Variants in GRM7 observed in about 807,000 individuals in gnomAD.
The protein encoded by GRM7 is glutamate metabotropic receptor 7.
GRM7 carries 35 observed loss-of-function variants against 84.5 expected under a neutral mutation model. The observed-to-expected ratio is 0.41, with a 90% confidence interval of 0.32 to 0.55. The LOEUF (loss-of-function observed/expected upper bound fraction) is 0.55. Among genes scored for constraint, GRM7 ranks in the 20% least tolerant of loss-of-function variants. The pLI is 0.19. For synonymous variants in GRM7, 487 were observed against 455.1 expected (o/e 1.07, Z -0.89); for missense variants, 1,003 against 1,194.6 (o/e 0.84, Z 2.36).
chr3:7,240,563 A>G (rs906209488), intron 2 of GRM7, among the ~76,000 whole-genome samples: 1 of 152,310 alleles, frequency 6.6e-6, no homozygotes, highest in East Asian at 1.9e-4. Context: ...TTGTTAGAAG[A>G]GGCATATGTC....
At chr3:7,600,886 G>T (rs751456431) in intron 8 of GRM7, among the ~76,000 whole-genome samples, 1 of 152,068 alleles carries the variant, frequency 6.6e-6, no homozygotes, top group Non-Finnish European at 1.5e-5. Flanking sequence ...TTTAGGGTTG[G>T]GAGGTGTGTG....
chr3:7,473,398 C>A (rs1164451445), intron 7 of GRM7, among the ~76,000 whole-genome samples: 1 of 151,680 alleles, frequency 6.6e-6, no homozygotes, highest in Admixed American at 6.6e-5. Flanking sequence ...ATCCTTTGAG[C>A]CCAGGAGTTC....
chr3:7,583,939 T>C (rs1575523465), intron 8 of GRM7, among the ~76,000 whole-genome samples: 1 of 152,142 alleles, frequency 6.6e-6, no homozygotes, highest in East Asian at 1.9e-4. Flanking sequence ...TAATGGTCAA[T>C]GTAGGTCTTC....
chr3:6,911,114 A>G (rs2125017281), intron 1 of GRM7, among the ~76,000 whole-genome samples: 1 of 152,274 alleles, frequency 6.6e-6, no homozygotes, highest in African/African-American at 2.4e-5. Context: ...TTAACCAAAA[A>G]CAACAGGAAA....
At chr3:7,080,354 C>G (rs1553614499) in intron 1 of GRM7, among the ~76,000 whole-genome samples, 1 of 151,984 alleles carries the variant, frequency 6.6e-6, no homozygotes, top group Non-Finnish European at 1.5e-5. Flanking sequence ...TCGCTGTGTA[C>G]TCTTCGCTTT....
chr3:6,956,063 G>C (rs1392523946), intron 1 of GRM7, among the ~76,000 whole-genome samples: 2 of 152,108 alleles, frequency 1.3e-5, no homozygotes, highest in Non-Finnish European at 2.9e-5. Flanking sequence ...ATTCCATTGG[G>C]TTATTGAGTG....
chr3:6,965,612 G>A (rs995012434), intron 1 of GRM7, among the ~76,000 whole-genome samples: 1 of 152,106 alleles, frequency 6.6e-6, no homozygotes, highest in Non-Finnish European at 1.5e-5. Context: ...TGGGATTACA[G>A]GTGTGAGCCA....
At position 7,136,083 on chromosome 3, in the gene GRM7, C is replaced by T. The variant is rs148857634; in HGVS notation, c.520-10369C>T. Among the ~76,000 whole-genome samples, 337 of 152,116 alleles carry T rather than the reference C, an allele frequency of 2.2e-3. 3 individuals carry two copies. Among genetic ancestry groups the T allele is most frequent in the African/African-American group, 7.7e-3 (321 of 41,532 alleles). ...ATTAAACTTGACTCAATCTTGTCAA[C>T]ATTTAGAAAGTGAAAGTGCGTCATA... On this transcript the variant is annotated intron_variant, in intron 1 of 9. Transcript: ENST00000357716.
At chr3:7,266,947 T>A (rs886727710) in intron 2 of GRM7, among the ~76,000 whole-genome samples, 1 of 152,216 alleles carries the variant, frequency 6.6e-6, no homozygotes, top group Admixed American at 6.5e-5. Flanking sequence ...GAAGGAGACC[T>A]CTTAGCGTCT....
At chr3:7,711,181 A>G (rs1701564906) in intron 9 of GRM7, among the ~76,000 whole-genome samples, 1 of 152,236 alleles carries the variant, frequency 6.6e-6, no homozygotes, top group African/African-American at 2.4e-5. Context: ...GCAGAAAATC[A>G]TAAGGGCAGT....
At chr3:7,101,836 G>T (rs537973293) in intron 1 of GRM7, among the ~76,000 whole-genome samples, 9 of 148,022 alleles carry the variant, frequency 6.1e-5, no homozygotes, top group African/African-American at 2.2e-4. Flanking sequence ...TATATATAAA[G>T]GTATATGTAT....
chr3:7,221,314 C>T (rs952596929), intron 2 of GRM7, among the ~76,000 whole-genome samples: 1 of 152,042 alleles, frequency 6.6e-6, no homozygotes, highest in Non-Finnish European at 1.5e-5. Context: ...TTCTTATTTT[C>T]TTGCTATGAC....
intron 4 of GRM7, among the ~76,000 whole-genome samples, chr3:7,338,861 A>G (rs558264844): frequency 3.3e-5 from 5 of 152,110 alleles, no homozygotes; most frequent in African/African-American, 1.2e-4. Flanking sequence ...ATTGAGGCCT[A>G]TAAACTTGGC....
chr3:7,368,026 C>T (rs1693980207), intron 4 of GRM7, among the ~76,000 whole-genome samples: 1 of 121,800 alleles, frequency 8.2e-6, no homozygotes, highest in Non-Finnish European at 1.9e-5. Context: ...AGAAAAAATT[C>T]TAAGAAGTCT....
At chr3:7,617,635 T>C (rs1697157111) in intron 8 of GRM7, among the ~76,000 whole-genome samples, 1 of 151,860 alleles carries the variant, frequency 6.6e-6, no homozygotes, top group Non-Finnish European at 1.5e-5. Context: ...GGAAGCAAAA[T>C]GCAGTACGGA....
rs191090644 is a variant in GRM7 at position 7,701,062 on chromosome 3, T to C, written c.2698+20767T>C. On this transcript the variant is annotated intron_variant, in intron 9 of 9. Coordinates refer to ENST00000357716, the MANE Select transcript of GRM7 (RefSeq NM_000844.4). Reference sequence around the variant, plus strand: ...CCCCCAGGGGAACAGATGCATGAAATTGTTTAGAATATTTGGAGACTGCCG... The same window carrying C: ...CCCCCAGGGGAACAGATGCATGAAACTGTTTAGAATATTTGGAGACTGCCG... 3.0e-4 allele frequency among the ~76,000 whole-genome samples: 45 copies of C among 152,258 alleles called. No homozygotes were observed. In the East Asian group the frequency reaches 7.6e-3, roughly 26 times the overall value.
At chr3:7,190,711 T>A (rs977143733) in intron 2 of GRM7, among the ~76,000 whole-genome samples, 14 of 152,126 alleles carry the variant, frequency 9.2e-5, no homozygotes, top group African/African-American at 3.1e-4. Context: ...ATATATATAT[T>A]TTTTCTTAAA....
intron 1 of GRM7, among the ~76,000 whole-genome samples, chr3:6,962,112 A>C (rs572998858): frequency 5.9e-5 from 9 of 152,234 alleles, no homozygotes; most frequent in African/African-American, 2.2e-4. Flanking sequence ...TCATTACCTT[A>C]TGCATACTTT....
intron 9 of GRM7, among the ~76,000 whole-genome samples, chr3:7,707,954 T>C (rs1375551473): frequency 3.1e-5 from 4 of 131,084 alleles, no homozygotes; most frequent in South Asian, 2.4e-4. Context: ...TTTTTTTTTT[T>C]ACTTCCCATG....
Sources: gnomAD v4.1 joint callset for allele counts (sites outside exome capture counted in the v4.1 genomes callset) on GRCh38, gnomAD v4.1.1 for gene constraint, MANE v1.5 for transcripts, NCBI Gene and HGNC (gene_info 2026-07-23, HGNC 2026-07-21) for gene names.